Variants in RAB2A observed in about 807,000 individuals in gnomAD.
RAB2A encodes RAB2A, member RAS oncogene family.
RAB2A carries 7 observed loss-of-function variants against 32.5 expected under a neutral mutation model. The ratio of observed to expected loss-of-function variants is 0.22; its 90% CI spans 0.12 to 0.40. The LOEUF (loss-of-function observed/expected upper bound fraction) is 0.40. Among genes scored for constraint, RAB2A ranks in the 10% least tolerant of loss-of-function variants. RAB2A has a pLI of 1.00. For missense variants in RAB2A, 108 were observed against 260.7 expected, an observed-to-expected ratio of 0.41 and a Z score of 4.03; for synonymous variants, 79 against 85.2, an observed-to-expected ratio of 0.93 and a Z score of 0.40.
intron 1 of RAB2A, among the ~76,000 whole-genome samples, chr8:60,519,143 C>T (rs1252679105): frequency 2.7e-4 from 1 of 3,652 alleles, no homozygotes; most frequent in Admixed American, 1.7e-3. Flanking sequence ...GAACAGAATT[C>T]TTGACACTGT....
At chr8:60,578,869 A>G (rs1722494689) in intron 3 of RAB2A, among the ~76,000 whole-genome samples, 1 of 152,218 alleles carries the variant, frequency 6.6e-6, no homozygotes, top group East Asian at 1.9e-4. Context: ...ATTTTGATTT[A>G]GCAATCCTCA....
At chr8:60,530,381 T>G (rs10957142) in intron 1 of RAB2A, among the ~76,000 whole-genome samples, 1 of 151,722 alleles carries the variant, frequency 6.6e-6, no homozygotes, top group East Asian at 1.9e-4. Context: ...CCTGACCTCA[T>G]GTGATCTGCC....
chr8:60,554,075 A>G (rs1340276826), intron 1 of RAB2A, among the ~76,000 whole-genome samples: 1 of 152,252 alleles, frequency 6.6e-6, no homozygotes, highest in Non-Finnish European at 1.5e-5. Context: ...CAGCTCAAAA[A>G]GAACCTTGTG....
chr8:60,519,752 C>T (rs1807272855), intron 1 of RAB2A, among the ~76,000 whole-genome samples: 1 of 151,882 alleles, frequency 6.6e-6, no homozygotes, highest in Non-Finnish European at 1.5e-5. Flanking sequence ...AAGGTAGGCC[C>T]TGTATATTTA....
intron 2 of RAB2A, among the ~76,000 whole-genome samples, chr8:60,571,050 C>T (rs1439827405): frequency 6.6e-6 from 1 of 152,170 alleles, no homozygotes; most frequent in Admixed American, 6.6e-5. Flanking sequence ...ATACTACTTT[C>T]AGAGTTGTCT....
In RAB2A at chr8:60,584,196, T is replaced by C. The variant is rs181542768; in HGVS notation, c.187-12T>C. 38 of 1,580,534 alleles carry C rather than the reference T, an allele frequency of 2.4e-5. No homozygotes were observed. The African/African-American group carries it at 4.0e-4, about 17-fold the overall frequency. ...ATTAAAGGAAACTCTCCAACCTTTT[T>C]TTTCGTTACAGGCAGGGCAAGAATC... is the stretch of plus-strand genomic sequence containing the variant. On this transcript the variant is annotated splice_polypyrimidine_tract_variant and intron_variant, in intron 3 of 7. Transcript: ENST00000262646.
chr8:60,608,095 G>A (rs181852528), intron 6 of RAB2A, among the ~76,000 whole-genome samples: 73 of 109,800 alleles, frequency 6.6e-4, no homozygotes, highest in African/African-American at 4.2e-3. Flanking sequence ...ATACTTTTCT[G>A]GGTTTTTGTT....
At chr8:60,588,333 A>G (rs1235906910) in intron 5 of RAB2A, among the ~76,000 whole-genome samples, 2 of 152,190 alleles carry the variant, frequency 1.3e-5, no homozygotes, top group Non-Finnish European at 2.9e-5. Flanking sequence ...CTTTACTCCC[A>G]GATGTTTACC....
rs1432773180 is a variant in RAB2A, at chr8:60,584,366, AAAG to A, written c.269+79_269+81del. 7.1e-6 allele frequency: 9 copies of A among 1,264,576 alleles called. No homozygotes were observed. In the East Asian group the frequency reaches 2.1e-4, roughly 29 times the overall value. The allele number at this position is 1,264,576 out of a possible 1,614,324, so 78.3% of individuals were successfully genotyped here. On this transcript the variant is annotated intron_variant, in intron 4 of 7. Transcript: ENST00000262646. The stretch of plus-strand genomic sequence containing the variant: ...TAAATAGATGTGGTTAACAGTAATG[AAAG>A]AATAGCTTAGCCTTTCTGCCCCGGC...
intron 6 of RAB2A, among the ~76,000 whole-genome samples, chr8:60,598,503 C>T (rs1345745764): frequency 6.6e-6 from 1 of 151,850 alleles, no homozygotes; most frequent in Non-Finnish European, 1.5e-5. Context: ...AACAAAATAC[C>T]AGAAAATAGA....
chr8:60,561,061 C>T (rs1276718603), intron 2 of RAB2A, among the ~76,000 whole-genome samples: 1 of 152,188 alleles, frequency 6.6e-6, no homozygotes, highest in Admixed American at 6.5e-5. Flanking sequence ...TGGCTCCAGC[C>T]CCTGCCTGGC....
chr8:60,585,129 T>A (rs887810432), intron 5 of RAB2A, among the ~76,000 whole-genome samples: 1 of 152,234 alleles, frequency 6.6e-6, no homozygotes, highest in South Asian at 2.1e-4. Flanking sequence ...AACATCTTTG[T>A]GCTGTCAATT....
chr8:60,609,388 T>C (rs901680812), intron 6 of RAB2A, among the ~76,000 whole-genome samples: 1 of 152,174 alleles, frequency 6.6e-6, no homozygotes, highest in Non-Finnish European at 1.5e-5. Flanking sequence ...TCCTGTGTTG[T>C]CCTGGGCATG....
In RAB2A at chr8:60,576,121, A is replaced by T. The variant is rs1289245072; in HGVS notation, c.186+4008A>T. ...ATCAGTTTCACAGCTGGAAACAGTG[A>T]TAAGAGTCTATCAGTGCCTCCCTTT... On this transcript the variant is annotated intron_variant, in intron 3 of 7. Transcript: ENST00000262646. 9.3e-6 allele frequency: 4 copies of T among 428,002 alleles called. No individual in the cohort carries two copies. The East Asian group carries it at 2.8e-4, about 30-fold the overall frequency. The allele number at this position is 428,002 out of a possible 1,614,324, so 26.5% of individuals were successfully genotyped here.
chr8:60,561,375 G>T (rs1808022835), intron 2 of RAB2A, among the ~76,000 whole-genome samples: 1 of 152,112 alleles, frequency 6.6e-6, no homozygotes, highest in Non-Finnish European at 1.5e-5. Flanking sequence ...TTAAACAAAA[G>T]GACAATTTAT....
chr8:60,516,964 G>T (rs1807212735), upstream of RAB2A: 3 of 408,490 alleles, frequency 7.3e-6, no homozygotes, highest in Non-Finnish European at 1.3e-5. Flanking sequence ...CGGAGGCGGG[G>T]CGGAGGCGCC....
intron 5 of RAB2A, among the ~76,000 whole-genome samples, chr8:60,587,705 A>G (rs914138674): frequency 6.6e-6 from 1 of 152,202 alleles, no homozygotes. Flanking sequence ...CACAGTGTAT[A>G]TATACTTTAA....
At chr8:60,592,526 A>C (rs529309759) in intron 6 of RAB2A, among the ~76,000 whole-genome samples, 4 of 152,020 alleles carry the variant, frequency 2.6e-5, no homozygotes, top group African/African-American at 9.7e-5. Flanking sequence ...AATTTTATTT[A>C]TTTTTTTAAC....
At chr8:60,605,828 AATACATAT>A (rs1295149846) in intron 6 of RAB2A, among the ~76,000 whole-genome samples, 4 of 114,004 alleles carry the variant, frequency 3.5e-5, no homozygotes, top group African/African-American at 1.1e-4. Context: ...AAAAGGGACT[AATACATAT>A]ATACATATAT....
Sources: gnomAD v4.1 joint callset for allele counts (sites outside exome capture counted in the v4.1 genomes callset) on GRCh38, gnomAD v4.1.1 for gene constraint, MANE v1.5 for transcripts, NCBI Gene and HGNC (gene_info 2026-07-23, HGNC 2026-07-21) for gene names.